Variants in BICRA observed in about 807,000 individuals in gnomAD.
BICRA encodes the protein BRD4 interacting chromatin remodeling complex associated protein.
BICRA carries 31 observed loss-of-function variants against 96.9 expected under a neutral mutation model. The observed-to-expected ratio is 0.32, with a 90% CI of 0.24 to 0.43. BICRA has a LOEUF of 0.43. Ranked by LOEUF, BICRA falls within the 20% of genes least tolerant of loss-of-function variation. The pLI is 1.00. For synonymous variants in BICRA, 1,350 were observed against 1,071.8 expected, an observed-to-expected ratio of 1.26 and a Z score of -5.07; for missense variants, 2,283 against 2,190.3, an observed-to-expected ratio of 1.04 and a Z score of -0.84.
chr19:47,616,448 C>T (rs968323298), intron 1 of BICRA, among the ~76,000 whole-genome samples: 2 of 152,072 alleles, frequency 1.3e-5, no homozygotes, highest in Non-Finnish European at 2.9e-5. Context: ...ACCAGCCTGG[C>T]CAACATGGTG....
chr19:47,669,847 C>G (rs996817613), intron 1 of BICRA, among the ~76,000 whole-genome samples: 5 of 151,484 alleles, frequency 3.3e-5, no homozygotes, highest in Admixed American at 6.6e-5. Flanking sequence ...TAGTAGAGAC[C>G]GGGTTTCACC....
intron 1 of BICRA, among the ~76,000 whole-genome samples, chr19:47,614,142 G>A (rs1971950684): frequency 6.6e-6 from 1 of 151,910 alleles, no homozygotes; most frequent in Admixed American, 6.6e-5. Flanking sequence ...CTTTTTCTCT[G>A]TCTGCCTTTT....
At chr19:47,651,603 G>A (rs185666875) in intron 1 of BICRA, among the ~76,000 whole-genome samples, 4 of 152,252 alleles carry the variant, frequency 2.6e-5, no homozygotes, top group African/African-American at 4.8e-5. Flanking sequence ...TCGGGAAAGC[G>A]TTTGACTTCT....
At chr19:47,687,432 TC>T (rs771486797) in intron 7 of BICRA, among the ~76,000 whole-genome samples, 12 of 152,236 alleles carry the variant, frequency 7.9e-5, no homozygotes, top group Non-Finnish European at 1.3e-4. Flanking sequence ...TACCATTATT[TC>T]TTTATTCAGT....
chr19:47,681,699 T>A (rs1160585018), intron 6 of BICRA, among the ~76,000 whole-genome samples: 1 of 151,572 alleles, frequency 6.6e-6, no homozygotes, highest in African/African-American at 2.4e-5. Flanking sequence ...AGGAGAGGAA[T>A]CTCAGAGAGA....
chr19:47,629,905 G>T (rs910201838), intron 1 of BICRA, among the ~76,000 whole-genome samples: 31 of 152,216 alleles, frequency 2.0e-4, no homozygotes, highest in African/African-American at 7.2e-4. Flanking sequence ...TGATCCACCC[G>T]CTGTGGCCTC....
At chr19:47,654,569 C>T (rs564330135) in intron 1 of BICRA, among the ~76,000 whole-genome samples, 15 of 152,248 alleles carry the variant, frequency 9.9e-5, no homozygotes, top group African/African-American at 3.4e-4. Context: ...GCAAGCTTTG[C>T]CTCCTGGTTT....
In BICRA at chr19:47,680,649, G is replaced by T; in HGVS notation, c.1479G>T (p.Val493=). 6.2e-7 allele frequency: 1 copy of T among 1,608,788 alleles called. No homozygotes were observed. Among genetic ancestry groups the T allele is most frequent in the Admixed American group, 1.7e-5 (1 of 59,496 alleles). Residue 493 remains valine, a synonymous_variant, in exon 6 of 15, where the codon GTG becomes GTT. Coordinates refer to ENST00000594866, the MANE Select transcript of BICRA (RefSeq NM_001394372.1). ...AGCTCTCAGCCCTGCCGGCCAACGTGGGCGGGCAGATCCTGGCGGCCGCTG... is the reference window on the plus strand; with the variant it reads ...AGCTCTCAGCCCTGCCGGCCAACGTTGGCGGGCAGATCCTGGCGGCCGCTG... ...PQQLSALPAN[V]GGQILAAAAP...
At position 47,679,311 on chromosome 19, in the gene BICRA, C is replaced by T. The variant is rs2911005; in HGVS notation, c.151-10C>T. 0.75 allele frequency: 1,069,712 copies of T among 1,419,060 alleles called. 405,848 individuals are homozygous for T. Among genetic ancestry groups the T allele is most frequent in the East Asian group, 0.96 (35,142 of 36,470 alleles). The allele number at this position is 1,419,060 out of a possible 1,614,324, so 87.9% of individuals were successfully genotyped here. A position where few individuals can be genotyped will look rare whatever the true frequency, so the allele number is the denominator to read the frequency against. ...TCAGCTCTTTCCTTCCCACCTTTCCCGGCCTGCAGCTCCATGTGCAAGAAG... is the reference window on the plus strand; with the variant it reads ...TCAGCTCTTTCCTTCCCACCTTTCCTGGCCTGCAGCTCCATGTGCAAGAAG... On this transcript the variant is annotated splice_polypyrimidine_tract_variant and intron_variant, in intron 5 of 14. Coordinates refer to ENST00000594866, the MANE Select transcript of BICRA (RefSeq NM_001394372.1).
intron 1 of BICRA, among the ~76,000 whole-genome samples, chr19:47,620,523 C>T (rs1041296544): frequency 2.6e-5 from 4 of 151,748 alleles, no homozygotes; most frequent in African/African-American, 9.7e-5. Flanking sequence ...CAAAAAGTAG[C>T]CGAGCATGGT....
In BICRA at chr19:47,699,281, G is replaced by C; in HGVS notation, c.3493-22G>C. The C allele has an allele frequency of 7.1e-7, 1 of 1,404,924 alleles. No homozygotes were observed. The highest frequency in any genetic ancestry group is 9.9e-7 in the Non-Finnish European group (1 of 1,012,452). The allele number at this position is 1,404,924 out of a possible 1,614,324, so 87.0% of individuals were successfully genotyped here. A position where few individuals can be genotyped will look rare whatever the true frequency, so the allele number is the denominator to read the frequency against. The stretch of plus-strand genomic sequence containing the variant: ...CCCCTTCTTGCTGGTTCACTCGCAC[G>C]TCGTCTTTTCCCCCACCCCAGAGGG... On this transcript the variant is annotated intron_variant, in intron 13 of 14. Transcript: ENST00000594866. The surrounding 1 kb of genome is among the most constrained non-coding windows in gnomAD (Gnocchi z 5.0).
At chr19:47,665,884 A>T (rs1972771068) in intron 1 of BICRA, among the ~76,000 whole-genome samples, 1 of 152,218 alleles carries the variant, frequency 6.6e-6, no homozygotes, top group African/African-American at 2.4e-5. Context: ...ACCCTTCCAG[A>T]TACACACACA....
intron 2 of BICRA, among the ~76,000 whole-genome samples, chr19:47,671,605 G>A (rs926009556): frequency 6.6e-6 from 1 of 152,020 alleles, no homozygotes; most frequent in African/African-American, 2.4e-5. Context: ...AGGGAAGGAG[G>A]GGTGTTTGGA....
chr19:47,688,787 C>A (rs1002553107), intron 7 of BICRA, among the ~76,000 whole-genome samples: 1 of 134,120 alleles, frequency 7.5e-6, no homozygotes, highest in African/African-American at 2.8e-5. Context: ...AGCGAGACTC[C>A]GTCTCAAAAA....
Position 47,675,600 on chromosome 19 carries a change from GCAGTCA to G in BICRA, c.85-247_85-242del, listed in dbSNP as rs1278760168. The stretch of plus-strand genomic sequence containing the variant: ...TGAAGGCAGGATTCCGGAATTCGAG[GCAGTCA>G]CAGCAGGATCGCTTCGCAGGCCAGG... On this transcript the variant is annotated intron_variant, in intron 4 of 14. Transcript: ENST00000594866. The surrounding 1 kb of genome is among the most constrained non-coding windows in gnomAD (Gnocchi z 4.7). Among the ~76,000 whole-genome samples, 1 of 152,182 alleles carries G rather than the reference GCAGTCA, an allele frequency of 6.6e-6. No homozygotes were observed. The highest frequency in any genetic ancestry group is 1.9e-4 in the East Asian group (1 of 5,194).
In BICRA at chr19:47,690,127, T is replaced by C. The variant is rs188044707; in HGVS notation, c.2284-3988T>C. Among the ~76,000 whole-genome samples the C allele has an allele frequency of 5.3e-5, 8 of 151,870 alleles. No homozygotes were observed. The East Asian group carries it at 1.6e-3, about 30-fold the overall frequency. ...AGCAATTCTCCTGACTCAGCCTCCCTAGTAGCTGGGATTACAGGTGCACGC... is the reference window on the plus strand; with the variant it reads ...AGCAATTCTCCTGACTCAGCCTCCCCAGTAGCTGGGATTACAGGTGCACGC... On this transcript the variant is annotated intron_variant, in intron 7 of 14. Transcript: ENST00000594866.
rs1329955608 is a variant in BICRA at position 47,656,375 on chromosome 19, A to G, written c.-107-14068A>G. 3.3e-5 allele frequency among the ~76,000 whole-genome samples: 5 copies of G among 152,202 alleles called. No homozygotes were observed. In the East Asian group the frequency reaches 9.6e-4, roughly 29 times the overall value. The stretch of plus-strand genomic sequence containing the variant: ...TGAGGCTCAGTGTTAATGAATCAAA[A>G]CTATACATTAAATAAGGTGTCTTCG... On this transcript the variant is annotated intron_variant, in intron 1 of 14. Transcript: ENST00000594866.
At position 47,701,633 on chromosome 19, in the gene BICRA, G is replaced by A. The variant is rs1376186210; in HGVS notation, c.3901G>A (p.Glu1301Lys). The A allele has an allele frequency of 1.3e-6, 2 of 1,584,662 alleles. No individual in the cohort carries two copies. The highest frequency in any genetic ancestry group is 1.7e-6 in the Non-Finnish European group (2 of 1,166,934). Residue 1301 changes from glutamate to lysine, a missense_variant, in exon 15 of 15, where the codon GAG becomes AAG. Physicochemically the swap from Glu to Lys is moderately conservative, Grantham distance 56 (BLOSUM62 1). Coordinates refer to ENST00000594866, the MANE Select transcript of BICRA (RefSeq NM_001394372.1). The surrounding 1 kb of genome is among the most constrained non-coding windows in gnomAD (Gnocchi z 5.4). ...SRNRPPIKTY[E>K]ARSRIGLKLK... ...CAACCGCCCGCCCATCAAGACCTACGAGGCCCGGAGCCGCATCGGGCTCAA... is the reference window on the plus strand; with the variant it reads ...CAACCGCCCGCCCATCAAGACCTACAAGGCCCGGAGCCGCATCGGGCTCAA...
At position 47,701,471 on chromosome 19, in the gene BICRA, G is replaced by A; in HGVS notation, c.3739G>A (p.Val1247Met). Residue 1247 changes from valine to methionine, a missense_variant, in exon 15 of 15, where the codon GTG (valine) becomes ATG (methionine). Val to Met is a conservative substitution (Grantham distance 21). Coordinates refer to ENST00000594866, the MANE Select transcript of BICRA (RefSeq NM_001394372.1). The surrounding 1 kb of genome is among the most constrained non-coding windows in gnomAD (Gnocchi z 5.4). ...QPPPHLPTKL[V>M]IRHGGAGGSP... is the part of the protein sequence containing the mutation. ...CCCTCCACACCTGCCCACCAAGCTT[G>A]TGATCCGGCACGGCGGGGCAGGCGG... 1 of 1,561,126 alleles carries A rather than the reference G, an allele frequency of 6.4e-7. No homozygotes were observed. Among genetic ancestry groups the A allele is most frequent in the Admixed American group, 1.9e-5 (1 of 51,736 alleles).
Sources: gnomAD v4.1 joint callset for allele counts (sites outside exome capture counted in the v4.1 genomes callset) on GRCh38, gnomAD v4.1.1 for gene constraint, Gnocchi (gnomAD v3.1) non-coding constraint, MANE v1.5 for transcripts, NCBI Gene and HGNC (gene_info 2026-07-23, HGNC 2026-07-21) for gene names.